The following RBMS3 variants were observed in gnomAD, a reference collection of about 807,000 sequenced individuals.
RBMS3 encodes RNA-binding motif, single-stranded-interacting protein 3.
A neutral mutation model predicts 66.8 loss-of-function variants in RBMS3; 27 were observed. The ratio of observed to expected loss-of-function variants is 0.40; its 90% CI spans 0.30 to 0.56. RBMS3 has a LOEUF of 0.56. Ranked by LOEUF, RBMS3 falls within the 20% of genes least tolerant of loss-of-function variation. The probability of loss-of-function intolerance (pLI) is 0.40; values close to 1 mark genes in which losing one functional copy is unlikely to be tolerated. For missense variants in RBMS3, 513 were observed against 549.5 expected (o/e 0.93, Z 0.66); for synonymous variants, 188 against 183.0 (o/e 1.03, Z -0.22).
chr3:29,681,858 G>C (rs1167058558), intron 4 of RBMS3, among the ~76,000 whole-genome samples: 2 of 151,980 alleles, frequency 1.3e-5, no homozygotes, highest in African/African-American at 4.8e-5. Flanking sequence ...ATATTTCTTT[G>C]GGTATATACC....
intron 2 of RBMS3, among the ~76,000 whole-genome samples, chr3:29,443,198 C>T (rs75164027): frequency 0.021 from 3,222 of 152,106 alleles, 103 homozygotes; most frequent in African/African-American, 0.071. Flanking sequence ...CTTGGGGTAA[C>T]TCTTTTCCCC....
intron 6 of RBMS3, among the ~76,000 whole-genome samples, chr3:29,809,711 C>A (rs1260074108): frequency 6.6e-6 from 1 of 151,812 alleles, no homozygotes; most frequent in African/African-American, 2.4e-5. Context: ...GGAGAAAGTA[C>A]CTGTTTCTGA....
intron 5 of RBMS3, among the ~76,000 whole-genome samples, chr3:29,748,044 A>C (rs2055003991): frequency 6.6e-6 from 1 of 152,178 alleles, no homozygotes; most frequent in African/African-American, 2.4e-5. Flanking sequence ...AAACACCCCA[A>C]ACATAGGGGT....
At chr3:29,880,200 A>C (rs1559763301) in intron 7 of RBMS3, among the ~76,000 whole-genome samples, 1 of 152,298 alleles carries the variant, frequency 6.6e-6, no homozygotes, top group East Asian at 1.9e-4. Context: ...CTAAATTAAA[A>C]CTTAACTGTT....
chr3:29,763,343 T>C (rs2055777259), intron 6 of RBMS3, among the ~76,000 whole-genome samples: 1 of 152,062 alleles, frequency 6.6e-6, no homozygotes, highest in African/African-American at 2.4e-5. Context: ...ATATTCACAA[T>C]GAATCCCACA....
intron 5 of RBMS3, among the ~76,000 whole-genome samples, chr3:29,757,103 G>A (rs2055452523): frequency 6.6e-6 from 1 of 152,122 alleles, no homozygotes; most frequent in African/African-American, 2.4e-5. Context: ...CACTAATCAA[G>A]TCTTAGTCTT....
intron 2 of RBMS3, among the ~76,000 whole-genome samples, chr3:29,487,978 T>G (rs953605326): frequency 6.6e-6 from 1 of 152,204 alleles, no homozygotes; most frequent in Admixed American, 6.5e-5. Context: ...TAAATGTTGA[T>G]TGAACTAGGA....
At chr3:29,318,983 C>G (rs1207050737) in intron 1 of RBMS3, among the ~76,000 whole-genome samples, 4 of 151,850 alleles carry the variant, frequency 2.6e-5, no homozygotes, top group African/African-American at 9.7e-5. Flanking sequence ...ATTGAGACAG[C>G]ATTGTAGCAT....
intron 4 of RBMS3, chr3:29,642,886 TTA>T (rs1169347566): frequency 6.6e-6 from 1 of 152,136 alleles, no homozygotes; most frequent in Non-Finnish European, 1.5e-5. Context: ...AACCACTGGC[TTA>T]TTCTCTGAGT....
intron 12 of RBMS3, among the ~76,000 whole-genome samples, chr3:29,973,316 A>T (rs1697343658): frequency 6.6e-6 from 1 of 152,026 alleles, no homozygotes; most frequent in Non-Finnish European, 1.5e-5. Context: ...AATACGAAAG[A>T]TCCAATTTGC....
intron 4 of RBMS3, among the ~76,000 whole-genome samples, chr3:29,705,898 G>T (rs56697637): frequency 0.023 from 3,572 of 152,282 alleles, 132 homozygotes; most frequent in African/African-American, 0.08. Flanking sequence ...TATCAGGTTT[G>T]TTTACTGCCT....
At chr3:29,674,147 A>C (rs905041328) in intron 4 of RBMS3, among the ~76,000 whole-genome samples, 1 of 152,202 alleles carries the variant, frequency 6.6e-6, no homozygotes, top group African/African-American at 2.4e-5. Flanking sequence ...AACCAAAGAC[A>C]AAAACCACAT....
intron 1 of RBMS3, among the ~76,000 whole-genome samples, chr3:29,287,054 G>T (rs1029431014): frequency 6.6e-6 from 1 of 152,122 alleles, no homozygotes; most frequent in Non-Finnish European, 1.5e-5. Context: ...AGTGCAGATG[G>T]AACTGAAGGG....
intron 1 of RBMS3, among the ~76,000 whole-genome samples, chr3:29,285,377 A>T (rs974129972): frequency 6.6e-6 from 1 of 152,032 alleles, no homozygotes; most frequent in Admixed American, 6.6e-5. Flanking sequence ...CGAGAAATAG[A>T]TATTTCTCTC....
intron 4 of RBMS3, among the ~76,000 whole-genome samples, chr3:29,704,615 G>A (rs1244341416): frequency 6.6e-6 from 1 of 152,230 alleles, no homozygotes; most frequent in South Asian, 2.1e-4. Flanking sequence ...AAAGTAGCAG[G>A]CATCTAGTGG....
chr3:29,963,932 A>G (rs1399899811), intron 12 of RBMS3, among the ~76,000 whole-genome samples: 3 of 152,170 alleles, frequency 2.0e-5, no homozygotes, highest in Non-Finnish European at 2.9e-5. Context: ...CACCTCCAAG[A>G]AAAACTGAAA....
At chr3:29,800,217 C>G (rs2057345402) in intron 6 of RBMS3, among the ~76,000 whole-genome samples, 1 of 147,666 alleles carries the variant, frequency 6.8e-6, no homozygotes, top group South Asian at 2.1e-4. Context: ...TTCAGAAAGG[C>G]CTTAATTTTT....
intron 5 of RBMS3, among the ~76,000 whole-genome samples, chr3:29,755,031 A>G (rs1346917556): frequency 1.3e-5 from 2 of 152,154 alleles, no homozygotes; most frequent in African/African-American, 2.4e-5. Flanking sequence ...TCTTTTCTCA[A>G]TAATATCTAG....
At chr3:29,671,102 G>C (rs965295298) in intron 4 of RBMS3, among the ~76,000 whole-genome samples, 1 of 152,212 alleles carries the variant, frequency 6.6e-6, no homozygotes, top group South Asian at 2.1e-4. Context: ...AATATTTGCT[G>C]TTCTGCAGCC....
Sources: gnomAD v4.1 joint callset for allele counts (sites outside exome capture counted in the v4.1 genomes callset) on GRCh38, gnomAD v4.1.1 for gene constraint, MANE v1.5 for transcripts, NCBI Gene and HGNC (gene_info 2026-07-23, HGNC 2026-07-21) for gene names.